The following PDE8A variants were observed in gnomAD, a reference collection of about 807,000 sequenced individuals.
PDE8A encodes high affinity cAMP-specific and IBMX-insensitive 3',5'-cyclic phosphodiesterase 8A.
In PDE8A, 59 loss-of-function variants were observed where a neutral mutation model predicts 105.0. The ratio of observed to expected loss-of-function variants is 0.56; its 90% confidence interval spans 0.46 to 0.70. The LOEUF is 0.70. Among genes scored for constraint, PDE8A ranks in the 30% least tolerant of loss-of-function variants. The probability of loss-of-function intolerance (pLI) is 0.00; values close to 1 mark genes in which losing one functional copy is unlikely to be tolerated. For synonymous variants in PDE8A, 355 were observed against 371.9 expected (o/e 0.95, Z 0.52); for missense variants, 1,014 against 1,045.9 (o/e 0.97, Z 0.42).
intron 1 of PDE8A, among the ~76,000 whole-genome samples, chr15:85,006,945 C>T (rs1375029127): frequency 1.3e-5 from 2 of 152,162 alleles, no homozygotes; most frequent in Admixed American, 1.3e-4. Flanking sequence ...GAGAAAGCAC[C>T]TTCGGCAGCA....
chr15:85,009,444 G>A (rs1246850754), intron 1 of PDE8A, among the ~76,000 whole-genome samples: 1 of 152,098 alleles, frequency 6.6e-6, no homozygotes, highest in Non-Finnish European at 1.5e-5. Context: ...TCTTTGTAAT[G>A]GAATTTGTTG....
chr15:84,980,597 G>T (rs912117430), upstream of PDE8A: 17 of 152,460 alleles, frequency 1.1e-4, no homozygotes, highest in African/African-American at 3.6e-4. Context: ...GACTGGCGGG[G>T]GTCCGAGGCA....
intron 5 of PDE8A, among the ~76,000 whole-genome samples, chr15:85,082,825 C>G (rs1191768782): frequency 6.6e-6 from 1 of 152,222 alleles, no homozygotes; most frequent in Non-Finnish European, 1.5e-5. Context: ...ACAGTGGCTG[C>G]TAAGATGTCT....
chr15:84,982,293 G>A lies in PDE8A; in HGVS notation c.131G>A (p.Arg44Gln), dbSNP rs1271652763. ...PQGQKTAALP[R>Q]TRGAGLLESE... ...GGCCAGAAGACGGCCGCCTTGCCCC[G>A]GACCCGCGGCGCCGGCCTCTTGGAG... The change falls in exon 1 of 22, where the codon CGG becomes CAG. Residue 44 changes from arginine (R) to glutamine (Q), a missense_variant. Transcript: ENST00000394553. 6 of 1,379,890 alleles carry A rather than the reference G, an allele frequency of 4.3e-6. No individual in the cohort carries two copies. The highest frequency in any genetic ancestry group is 5.6e-6 in the Non-Finnish European group (6 of 1,077,152). 85.5% of individuals were successfully genotyped at this position (1,379,890 alleles called of 1,614,324 possible). A position where few individuals can be genotyped will look rare whatever the true frequency, so the allele number is the denominator to read the frequency against.
In PDE8A at chr15:85,091,046, T is replaced by G; in HGVS notation, c.717T>G (p.Tyr239Ter). ...EITSEDRFIQ[Y>*]ANPAFETTMG... Reference sequence around the variant, plus strand: ...TTTTTTCTTTTGTCTCCCTTCAGTATGCAAATCCTGCATTTGAAACAACAA... The same window carrying G: ...TTTTTTCTTTTGTCTCCCTTCAGTAGGCAAATCCTGCATTTGAAACAACAA... The change falls in exon 8 of 22, where the codon TAT (tyrosine) becomes TAG (stop). Residue 239 changes from tyrosine (Y) to a stop codon, truncating the protein, a stop_gained and splice_region_variant. Transcript: ENST00000394553. LOFTEE classifies it high-confidence loss of function. The G allele has an allele frequency of 6.2e-7, 1 of 1,607,122 alleles. No individual in the cohort carries two copies.
Position 85,101,179 on chromosome 15 carries a change from C to T in PDE8A, c.1036+981C>T, listed in dbSNP as rs1334590855. Among the ~76,000 whole-genome samples, 3 of 152,210 alleles carry T rather than the reference C, an allele frequency of 2.0e-5. No homozygotes were observed. The East Asian group carries it at 5.8e-4, about 29-fold the overall frequency. On this transcript the variant is annotated intron_variant, in intron 11 of 21. Coordinates refer to ENST00000394553, the MANE Select transcript of PDE8A (RefSeq NM_002605.3). Reference sequence around the variant, plus strand: ...TCCATTTAGGAAGTGGCAGAGCTAGCACCTGAATCCAGGAGGACTGACACT... The same window carrying T: ...TCCATTTAGGAAGTGGCAGAGCTAGTACCTGAATCCAGGAGGACTGACACT...
At chr15:85,056,247 T>G (rs1444605138) in intron 1 of PDE8A, among the ~76,000 whole-genome samples, 1 of 152,206 alleles carries the variant, frequency 6.6e-6, no homozygotes, top group Non-Finnish European at 1.5e-5. Flanking sequence ...TAACATTTTT[T>G]CCTTCATTTC....
Position 84,982,351 on chromosome 15 carries a change from A to AAGGGGCGCCGGGCACTCT in PDE8A, c.186+4_186+21dup, listed in dbSNP as rs1447817938. The stretch of plus-strand genomic sequence containing the variant: ...TTCGCGACGGCAGCGGCAAGAAGGT[A>AAGGGGCGCCGGGCACTCT]AGGGGCGCCGGGCACTCTGGGGCCG... On this transcript the variant is annotated splice_donor_region_variant and intron_variant, in intron 1 of 21. Coordinates refer to ENST00000394553, the MANE Select transcript of PDE8A (RefSeq NM_002605.3). 5 of 1,322,870 alleles carry AAGGGGCGCCGGGCACTCT rather than the reference A, an allele frequency of 3.8e-6. No individual in the cohort carries two copies. The highest frequency in any genetic ancestry group is 4.8e-6 in the Non-Finnish European group (5 of 1,039,204). 81.9% of individuals were successfully genotyped at this position (1,322,870 alleles called of 1,614,324 possible).
chr15:85,083,770 G>A (rs1430048995), intron 6 of PDE8A, 126 bp downstream of exon 6: 3 of 659,184 alleles, frequency 4.6e-6, no homozygotes, highest in Admixed American at 2.3e-5. Flanking sequence ...GAATGGAGTG[G>A]CAACTCCCCT....
At chr15:85,074,183 T>C (rs1334909477) in intron 3 of PDE8A, among the ~76,000 whole-genome samples, 1 of 152,214 alleles carries the variant, frequency 6.6e-6, no homozygotes, top group Non-Finnish European at 1.5e-5. Context: ...TGTTGTTAGA[T>C]TCAGCCTTTC....
chr15:85,134,480 G>A (rs1197460253), intron 20 of PDE8A, among the ~76,000 whole-genome samples: 3 of 151,894 alleles, frequency 2.0e-5, no homozygotes, highest in Non-Finnish European at 1.5e-5. Flanking sequence ...TTCTTAGACA[G>A]CAGTGGGGCT....
chr15:85,102,467 G>C (rs1230150547), intron 11 of PDE8A, among the ~76,000 whole-genome samples: 1 of 152,054 alleles, frequency 6.6e-6, no homozygotes, highest in Non-Finnish European at 1.5e-5. Context: ...GTGTGGGCCT[G>C]TTATGGAGAG....
upstream of PDE8A, chr15:84,980,504 T>G (rs2079689106): frequency 1.3e-5 from 2 of 152,168 alleles, no homozygotes; most frequent in Non-Finnish European, 2.9e-5. Flanking sequence ...CTAGGAAAGG[T>G]GTGGACGGTC....
chr15:85,116,274 C>G, intron 16 of PDE8A, 155 bp downstream of exon 16: 1 of 647,322 alleles, frequency 1.5e-6, no homozygotes, highest in African/African-American at 1.8e-5. Flanking sequence ...CTCTGAGTCA[C>G]CAGGGCCTGG....
chr15:85,005,416 G>T (rs934434725), intron 1 of PDE8A, among the ~76,000 whole-genome samples: 1 of 152,186 alleles, frequency 6.6e-6, no homozygotes, highest in Non-Finnish European at 1.5e-5. Context: ...GTGCCCAGCT[G>T]TTATTACAGG....
At chr15:84,993,442 CAAAA>C (rs11362736) in intron 1 of PDE8A, among the ~76,000 whole-genome samples, 2 of 73,114 alleles carry the variant, frequency 2.7e-5, no homozygotes, top group Non-Finnish European at 5.1e-5. Flanking sequence ...GACTCCATCT[CAAAA>C]AAAAAAAAAA....
At chr15:85,039,679 T>G (rs1309555539) in intron 1 of PDE8A, among the ~76,000 whole-genome samples, 1 of 152,202 alleles carries the variant, frequency 6.6e-6, no homozygotes. Flanking sequence ...TGCAGTTTTA[T>G]TCACAACAGC....
chr15:85,116,846 C>T (rs974433189), intron 16 of PDE8A, among the ~76,000 whole-genome samples: 3 of 152,236 alleles, frequency 2.0e-5, no homozygotes, highest in Admixed American at 6.5e-5. Flanking sequence ...ATACGTTCTA[C>T]TTCCCTATCT....
At chr15:85,028,041 A>G (rs2080547457) in intron 1 of PDE8A, among the ~76,000 whole-genome samples, 1 of 152,232 alleles carries the variant, frequency 6.6e-6, no homozygotes, top group Admixed American at 6.5e-5. Context: ...GTGGTAAACG[A>G]TGCTGTGGTG....
Sources: allele counts gnomAD v4.1 joint callset (sites outside exome capture counted in the v4.1 genomes callset), GRCh38; gene constraint gnomAD v4.1.1; transcripts MANE v1.5; gene names NCBI Gene and HGNC (gene_info 2026-07-23, HGNC 2026-07-21).